GABRA2: variants seen among roughly 807,000 people sequenced by gnomAD.
GABRA2 encodes gamma-aminobutyric acid type A receptor subunit alpha2.
GABRA2 carries 16 observed loss-of-function variants against 48.7 expected under a neutral mutation model. That is an observed-to-expected ratio of 0.33 (90% CI 0.22 to 0.50). GABRA2 has a LOEUF of 0.50. Among genes scored for constraint, GABRA2 ranks in the 20% least tolerant of loss-of-function variants. The pLI is 0.98. For missense variants in GABRA2, 275 were observed against 535.6 expected, an observed-to-expected ratio of 0.51 and a Z score of 4.80; for synonymous variants, 185 against 184.5, an observed-to-expected ratio of 1.00 and a Z score of -0.02.
chr4:46,279,158 TA>T (rs1721046238), intron 8 of GABRA2, among the ~76,000 whole-genome samples: 1 of 152,120 alleles, frequency 6.6e-6, no homozygotes, highest in South Asian at 2.1e-4. Flanking sequence ...AAATTTAATT[TA>T]TTTTCTGTCC....
Position 46,250,249 on chromosome 4 carries a change from T to G in GABRA2, c.*59A>C. 7.0e-7 allele frequency: 1 copy of G among 1,437,312 alleles called. No individual in the cohort carries two copies. The highest frequency in any genetic ancestry group is 1.8e-5 in the Admixed American group (1 of 54,568). 89.0% of individuals were successfully genotyped at this position (1,437,312 alleles called of 1,614,324 possible). Reference sequence around the variant, plus strand: ...TAGCAGTTATTAGTCAGACTGTACATAGCAAAACAAACCAAATTTAATGTT... The same window carrying G: ...TAGCAGTTATTAGTCAGACTGTACAGAGCAAAACAAACCAAATTTAATGTT... On this transcript the variant is annotated 3_prime_UTR_variant, in exon 10 of 10. Transcript: ENST00000381620.
intron 8 of GABRA2, among the ~76,000 whole-genome samples, chr4:46,295,085 T>C (rs963627892): frequency 3.3e-5 from 5 of 152,206 alleles, no homozygotes; most frequent in Admixed American, 2.6e-4. Flanking sequence ...AAGAGAAGAC[T>C]TAGGCCTGGT....
At chr4:46,267,212 T>C (rs772517872) in intron 8 of GABRA2, among the ~76,000 whole-genome samples, 7 of 152,086 alleles carry the variant, frequency 4.6e-5, no homozygotes, top group Non-Finnish European at 8.8e-5. Context: ...TGATTTTTCT[T>C]TTTGGACTGT....
Position 46,261,945 on chromosome 4 carries a change from T to C in GABRA2, c.1040A>G (p.Lys347Arg). 1 of 1,613,770 alleles carries C rather than the reference T, an allele frequency of 6.2e-7. No homozygotes were observed. The highest frequency in any genetic ancestry group is 8.5e-7 in the Non-Finnish European group (1 of 1,179,786). ...FTKRGWAWDG[K>R]SVVNDKKKEK... ...ACTTACCTTGTCATTTACTACACTC[T>C]TCCCATCCCAAGCCCATCCTCTTTT... Residue 347 changes from lysine (K) to arginine (R), a missense_variant, in exon 9 of 10, where the codon AAG becomes AGG. Transcript: ENST00000381620.
intron 3 of GABRA2, among the ~76,000 whole-genome samples, chr4:46,374,591 A>G (rs1715404801): frequency 1.3e-5 from 2 of 152,128 alleles, no homozygotes; most frequent in African/African-American, 4.8e-5. Context: ...TGTACTACCC[A>G]TTATATCGAA....
At position 46,312,804 on chromosome 4, in the gene GABRA2, T is replaced by C. The variant is rs963209222; in HGVS notation, c.256-88A>G. ...ATTCCAAAATAATATTCTAATTAAT[T>C]TAAACAGAGAGAGCTATATTGAAAG... On this transcript the variant is annotated intron_variant, in intron 4 of 9. Coordinates refer to ENST00000381620, the MANE Select transcript of GABRA2 (RefSeq NM_000807.4). 7.3e-6 allele frequency: 5 copies of C among 684,082 alleles called. No individual in the cohort carries two copies. In the African/African-American group the frequency reaches 9.3e-5, roughly 13 times the overall value. The allele number at this position is 684,082 out of a possible 1,614,324, so 42.4% of individuals were successfully genotyped here. A position where few individuals can be genotyped will look rare whatever the true frequency, so the allele number is the denominator to read the frequency against.
At chr4:46,336,366 C>A (rs2109831229) in intron 3 of GABRA2, among the ~76,000 whole-genome samples, 1 of 152,126 alleles carries the variant, frequency 6.6e-6, no homozygotes, top group East Asian at 1.9e-4. Flanking sequence ...CAAAGCTGAG[C>A]AAAGGGAAAG....
In GABRA2 at chr4:46,377,769, G is replaced by A. The variant is rs1270361011; in HGVS notation, c.187+8305C>T. Among the ~76,000 whole-genome samples, 11 of 136,694 alleles carry A rather than the reference G, an allele frequency of 8.0e-5. No individual in the cohort carries two copies. The South Asian group carries it at 9.5e-4, about 12-fold the overall frequency. The allele number at this position is 136,694 out of a possible 152,430, so 89.7% of individuals were successfully genotyped here. A position where few individuals can be genotyped will look rare whatever the true frequency, so the allele number is the denominator to read the frequency against. On this transcript the variant is annotated intron_variant, in intron 3 of 9. Transcript: ENST00000381620. ...CCCCGCCCGGCCAGCCGCCCCGTCC[G>A]GGAAGTGAGGGGCGCCTCTGCCCGG... is the stretch of plus-strand genomic sequence containing the variant.
chr4:46,330,135 T>C (rs1432285691), intron 4 of GABRA2, among the ~76,000 whole-genome samples: 3 of 152,094 alleles, frequency 2.0e-5, no homozygotes. Context: ...CAACTGAAAT[T>C]CCACTCAATG....
chr4:46,321,473 G>T (rs1308542085), intron 4 of GABRA2, among the ~76,000 whole-genome samples: 1 of 151,936 alleles, frequency 6.6e-6, no homozygotes, highest in Non-Finnish European at 1.5e-5. Context: ...CATCTTAAAT[G>T]TGCATAATAA....
At chr4:46,277,169 G>A (rs909467883) in intron 8 of GABRA2, among the ~76,000 whole-genome samples, 2 of 152,018 alleles carry the variant, frequency 1.3e-5, no homozygotes, top group East Asian at 3.9e-4. Flanking sequence ...AACTTCTCAG[G>A]CTGCCTCTAG....
At chr4:46,376,068 C>T (rs1392617798) in intron 3 of GABRA2, among the ~76,000 whole-genome samples, 1 of 152,216 alleles carries the variant, frequency 6.6e-6, no homozygotes, top group African/African-American at 2.4e-5. Context: ...CCCGAGGGAC[C>T]TCATCTCCAG....
At chr4:46,349,460 A>G (rs1194257231) in intron 3 of GABRA2, among the ~76,000 whole-genome samples, 1 of 152,016 alleles carries the variant, frequency 6.6e-6, no homozygotes. Flanking sequence ...ATGATGGTAC[A>G]TTGCTGAATT....
intron 8 of GABRA2, among the ~76,000 whole-genome samples, chr4:46,283,187 C>A (rs1213503085): frequency 6.6e-6 from 1 of 152,146 alleles, no homozygotes; most frequent in Non-Finnish European, 1.5e-5. Flanking sequence ...AGTTGTAAGA[C>A]CACACTAGGC....
chr4:46,350,542 T>C (rs1338380272), intron 3 of GABRA2, among the ~76,000 whole-genome samples: 1 of 151,844 alleles, frequency 6.6e-6, no homozygotes, highest in Non-Finnish European at 1.5e-5. Context: ...CATGCATCTA[T>C]CTATATATGT....
chr4:46,377,387 G>A (rs1335820363), intron 3 of GABRA2, among the ~76,000 whole-genome samples: 5 of 148,498 alleles, frequency 3.4e-5, no homozygotes, highest in African/African-American at 5.0e-5. Flanking sequence ...CTGCCCTGCC[G>A]CCCCGTCCGG....
In GABRA2 at chr4:46,245,004, A is replaced by C. The variant is rs556688445; in HGVS notation, c.*5304T>G. 7.3e-5 allele frequency among the ~76,000 whole-genome samples: 11 copies of C among 151,466 alleles called. No homozygotes were observed. Among genetic ancestry groups the C allele is most frequent in the African/African-American group, 2.7e-4 (11 of 41,482 alleles). Reference sequence around the variant, plus strand: ...ATTTGAATTAAAGCAAAGAAAAAACACAGGTTTTTGGTTTTTTTGTTGTTT... The same window carrying C: ...ATTTGAATTAAAGCAAAGAAAAAACCCAGGTTTTTGGTTTTTTTGTTGTTT... On this transcript the variant is annotated 3_prime_UTR_variant, in exon 10 of 10. Coordinates refer to ENST00000381620, the MANE Select transcript of GABRA2 (RefSeq NM_000807.4).
At chr4:46,338,703 C>T (rs1040469501) in intron 3 of GABRA2, among the ~76,000 whole-genome samples, 6 of 151,704 alleles carry the variant, frequency 4.0e-5, no homozygotes, top group Non-Finnish European at 8.8e-5. Flanking sequence ...GTTGCAATTT[C>T]CCATTAAAAA....
In GABRA2 at chr4:46,284,673, C is replaced by T. The variant is rs184123792; in HGVS notation, c.856+18787G>A. Among the ~76,000 whole-genome samples the T allele has an allele frequency of 4.7e-3, 715 of 152,226 alleles. 1 individual carries two copies. The highest frequency in any genetic ancestry group is 7.4e-3 in the Admixed American group (113 of 15,294). ...CAAGGCATACACATTCTAATTTTAA[C>T]TTCTCTGCCTACTGTCTTATTTGCT... On this transcript the variant is annotated intron_variant, in intron 8 of 9. Transcript: ENST00000381620.
Sources: allele counts gnomAD v4.1 joint callset (sites outside exome capture counted in the v4.1 genomes callset), GRCh38; gene constraint gnomAD v4.1.1; transcripts MANE v1.5; gene names NCBI Gene and HGNC (gene_info 2026-07-23, HGNC 2026-07-21).